COBL: variants seen among roughly 807,000 people sequenced by gnomAD.
COBL encodes the protein protein cordon-bleu.
Under a neutral mutation model 98.8 loss-of-function variants are expected in COBL, and 51 were observed. That is an observed-to-expected ratio of 0.52 (90% CI 0.41 to 0.65). The LOEUF is 0.65. Ranked by LOEUF, COBL falls within the 30% of genes least tolerant of loss-of-function variation. The pLI is 0.00. For missense variants in COBL, 1,617 were observed against 1,617.5 expected (o/e 1.00, Z 0.01); for synonymous variants, 634 against 651.7 (o/e 0.97, Z 0.41).
chr7:51,298,077 T>C (rs1801588414), intron 1 of COBL, among the ~76,000 whole-genome samples: 1 of 152,202 alleles, frequency 6.6e-6, no homozygotes, highest in African/African-American at 2.4e-5. Context: ...ATAAAAGGCC[T>C]TGCATTGCTC....
At chr7:51,171,841 C>G (rs1326128750) in intron 5 of COBL, among the ~76,000 whole-genome samples, 1 of 152,056 alleles carries the variant, frequency 6.6e-6, no homozygotes, top group Non-Finnish European at 1.5e-5. Context: ...GGGGACTGAC[C>G]TGGAAATGTG....
chr7:51,016,675 C>T lies in COBL; in HGVS notation c.*876G>A, dbSNP rs911957642. 16 of 338,778 alleles carry T rather than the reference C, an allele frequency of 4.7e-5. No homozygotes were observed. The highest frequency in any genetic ancestry group is 3.4e-4 in the African/African-American group (16 of 47,592). 21.0% of individuals were successfully genotyped at this position (338,778 alleles called of 1,614,324 possible). ...CTCTTGACAGGTGGGCATCCAACAT[C>T]CCTGCTCCTTGACCCTCTGCAGGAT... On this transcript the variant is annotated 3_prime_UTR_variant, in exon 13 of 13. Transcript: ENST00000265136.
At chr7:51,019,366 A>G (rs532405090) in intron 12 of COBL, among the ~76,000 whole-genome samples, 1 of 152,268 alleles carries the variant, frequency 6.6e-6, no homozygotes, top group South Asian at 2.1e-4. Flanking sequence ...GTGGAAGGGA[A>G]GGCAAGCATC....
At chr7:51,260,502 G>A (rs1797618987) in intron 1 of COBL, among the ~76,000 whole-genome samples, 1 of 152,200 alleles carries the variant, frequency 6.6e-6, no homozygotes, top group African/African-American at 2.4e-5. Context: ...AGGAAACACA[G>A]ATAAACAAAC....
chr7:51,189,836 T>C lies in COBL; in HGVS notation c.685+1014A>G, dbSNP rs192372248. On this transcript the variant is annotated intron_variant, in intron 4 of 12. Transcript: ENST00000265136. ...CTTTTACGAAGTCCATTTTGATCAT[T>C]CTAAGGTCAAGGAATATAACATTTC... 1.1e-3 allele frequency among the ~76,000 whole-genome samples: 171 copies of C among 152,324 alleles called. 2 individuals carry two copies. Among genetic ancestry groups the C allele is most frequent in the African/African-American group, 8.4e-4 (35 of 41,580 alleles).
intron 8 of COBL, among the ~76,000 whole-genome samples, chr7:51,040,651 G>A (rs113446795): frequency 6.6e-6 from 1 of 152,200 alleles, no homozygotes; most frequent in Non-Finnish European, 1.5e-5. Flanking sequence ...AGGCCAAACA[G>A]CTAGTTAGTG....
chr7:51,244,928 C>A (rs1796156738), intron 1 of COBL, among the ~76,000 whole-genome samples: 1 of 152,198 alleles, frequency 6.6e-6, no homozygotes, highest in South Asian at 2.1e-4. Context: ...TAAGGCTTCA[C>A]CCATTTTTTT....
At chr7:51,039,035 G>A (rs1192286506) in intron 8 of COBL, among the ~76,000 whole-genome samples, 1 of 151,768 alleles carries the variant, frequency 6.6e-6, no homozygotes, top group African/African-American at 2.4e-5. Flanking sequence ...GCTCGACTCA[G>A]GGACCAGGCA....
intron 8 of COBL, chr7:51,033,819 C>T (rs1426083842): frequency 6.6e-6 from 1 of 152,238 alleles, no homozygotes; most frequent in East Asian, 1.9e-4. Flanking sequence ...TATTTTGTTA[C>T]TGAGTGCCTA....
chr7:51,222,758 T>C (rs1314609148), intron 1 of COBL, among the ~76,000 whole-genome samples: 2 of 151,948 alleles, frequency 1.3e-5, no homozygotes, highest in Admixed American at 1.3e-4. Flanking sequence ...GAAAAGAGTA[T>C]CTTTTCCAAT....
At chr7:51,024,065 T>C (rs1397564063) in intron 12 of COBL, among the ~76,000 whole-genome samples, 1 of 152,110 alleles carries the variant, frequency 6.6e-6, no homozygotes, top group Non-Finnish European at 1.5e-5. Flanking sequence ...ATCCCAGCAC[T>C]TTGGGAGGCC....
At chr7:51,302,888 A>G (rs1802111091) in intron 1 of COBL, among the ~76,000 whole-genome samples, 1 of 152,212 alleles carries the variant, frequency 6.6e-6, no homozygotes, top group African/African-American at 2.4e-5. Flanking sequence ...AGAGTGTTAC[A>G]GACGCCTCAC....
intron 1 of COBL, among the ~76,000 whole-genome samples, chr7:51,277,015 A>C (rs1434257487): frequency 2.0e-5 from 3 of 152,170 alleles, no homozygotes; most frequent in African/African-American, 7.2e-5. Flanking sequence ...ACAATGACAC[A>C]GCCCTCCTGT....
At chr7:51,258,071 C>G (rs892417438) in intron 1 of COBL, among the ~76,000 whole-genome samples, 1 of 152,116 alleles carries the variant, frequency 6.6e-6, no homozygotes, top group African/African-American at 2.4e-5. Flanking sequence ...TAAGGTAGCT[C>G]TTTTCAAAAT....
chr7:51,277,555 GC>G (rs778544905), intron 1 of COBL, among the ~76,000 whole-genome samples: 1 of 152,166 alleles, frequency 6.6e-6, no homozygotes, highest in Non-Finnish European at 1.5e-5. Flanking sequence ...AAGAGTCGGT[GC>G]CCTCATCCCG....
rs902981446 is a variant in COBL, at chr7:51,218,008, T to G, written c.245+1733A>C. Among the ~76,000 whole-genome samples, 12 of 152,276 alleles carry G rather than the reference T, an allele frequency of 7.9e-5. No individual in the cohort carries two copies. The South Asian group carries it at 1.2e-3, about 16-fold the overall frequency. ...ACAGTTAATTGCGCCTGAGCCCTCC[T>G]GCTATGATCACAGCCACAGGGCCCC... On this transcript the variant is annotated intron_variant, in intron 2 of 12. Transcript: ENST00000265136.
At chr7:51,186,129 C>T (rs1465832736) in intron 4 of COBL, among the ~76,000 whole-genome samples, 1 of 152,238 alleles carries the variant, frequency 6.6e-6, no homozygotes. Flanking sequence ...AAGAGGAAAA[C>T]AGAGCACACA....
chr7:51,275,348 G>A (rs569101512), intron 1 of COBL, among the ~76,000 whole-genome samples: 2 of 152,372 alleles, frequency 1.3e-5, no homozygotes, highest in South Asian at 4.1e-4. Flanking sequence ...CCCTCTGCCA[G>A]TAATGCTGTG....
intron 7 of COBL, among the ~76,000 whole-genome samples, chr7:51,081,555 G>A (rs998117177): frequency 5.3e-5 from 8 of 152,130 alleles, no homozygotes; most frequent in Non-Finnish European, 1.2e-4. Context: ...TTGTCTGCCC[G>A]TTGCCCCAGC....
Sources: allele counts gnomAD v4.1 joint callset (sites outside exome capture counted in the v4.1 genomes callset), GRCh38; gene constraint gnomAD v4.1.1; transcripts MANE v1.5; gene names NCBI Gene and HGNC (gene_info 2026-07-23, HGNC 2026-07-21).